Variants in OR4A5 observed in about 807,000 individuals in gnomAD.
OR4A5 encodes olfactory receptor family 4 subfamily A member 5, also known as olfactory receptor 4A5.
For synonymous variants in OR4A5, 245 were observed against 138.5 expected, an observed-to-expected ratio of 1.77 and a Z score of -5.40; for missense variants, 684 against 381.6, an observed-to-expected ratio of 1.79 and a Z score of -6.60.
In OR4A5 at chr11:54,707,764, G is replaced by T. The variant is rs772913200; in HGVS notation, c.880G>T (p.Ala294Ser). ...YTLRNSEMRN[A>S]IEKLLGKKLT... is the part of the protein sequence containing the mutation. ...GTTGAGAAATTCAGAGATGAGAAAT[G>T]CTATAGAAAAACTCTTGGGTAAAAA... The change falls in exon 1 of 1, where the codon GCT (alanine) becomes TCT (serine). Residue 294 changes from alanine to serine, a missense_variant. Physicochemically the swap from Ala to Ser is moderately conservative, Grantham distance 99. Coordinates refer to ENST00000319760, the MANE Select transcript of OR4A5 (RefSeq NM_001005272.3). 1.9e-6 allele frequency: 3 copies of T among 1,586,940 alleles called. No homozygotes were observed. The highest frequency in any genetic ancestry group is 1.1e-5 in the South Asian group (1 of 88,338).
chr11:54,707,487 A>G lies in OR4A5; in HGVS notation c.603A>G (p.Gly201=), dbSNP rs1214517067. 1.9e-6 allele frequency: 3 copies of G among 1,613,320 alleles called. No individual in the cohort carries two copies. The Admixed American group carries it at 5.0e-5, about 27-fold the overall frequency. ...FIGLTVVVNS[G]AICMVIFNLL... Reference sequence around the variant, plus strand: ...GCCTCACTGTTGTTGTCAATAGTGGAGCAATCTGTATGGTCATTTTCAACC... The same window carrying G: ...GCCTCACTGTTGTTGTCAATAGTGGGGCAATCTGTATGGTCATTTTCAACC... Residue 201 remains glycine, a synonymous_variant, in exon 1 of 1, where the codon GGA becomes GGG. Coordinates refer to ENST00000319760, the MANE Select transcript of OR4A5 (RefSeq NM_001005272.3).
Position 54,707,721 on chromosome 11 carries a change from G to T in OR4A5, c.837G>T (p.Leu279=). 1.2e-6 allele frequency: 2 copies of T among 1,601,910 alleles called. No individual in the cohort carries two copies. The highest frequency in any genetic ancestry group is 1.7e-6 in the Non-Finnish European group (2 of 1,169,954). Residue 279 remains leucine (L), a synonymous_variant, in exon 1 of 1, where the codon CTG becomes CTT. Transcript: ENST00000319760. ...TTTATACCATTATCACACACATGCT[G>T]AGTCCTTTAATATATACGTTGAGAA... The part of the protein sequence containing the change: ...TVFYTIITHM[L]SPLIYTLRNS...
chr11:54,707,073 C>T lies in OR4A5; in HGVS notation c.189C>T (p.Cys63=), dbSNP rs1216963817. 6.2e-7 allele frequency: 1 copy of T among 1,613,682 alleles called. No homozygotes were observed. The highest frequency in any genetic ancestry group is 1.3e-5 in the African/African-American group (1 of 75,014). ...CCCCAATGTATTTCTTCCTTGCCTG[C>T]CTGTCATTTATAGATGCTGCATATT... The part of the protein sequence containing the change: ...LGSPMYFFLA[C]LSFIDAAYST... The change falls in exon 1 of 1, where the codon TGC becomes TGT. Residue 63 remains cysteine (C), a synonymous_variant. Transcript: ENST00000319760.
Position 54,707,029 on chromosome 11 carries a change from G to T in OR4A5, c.145G>T (p.Ala49Ser), listed in dbSNP as rs1163757653. ...GNLLIVVDIIASPSLGSPMYF... is the reference protein window; with the variant it reads ...GNLLIVVDIISSPSLGSPMYF... ...CCTGCTCATTGTGGTGGATATTATTGCCAGCCCTTCCTTGGGTTCCCCAAT... is the reference window on the plus strand; with the variant it reads ...CCTGCTCATTGTGGTGGATATTATTTCCAGCCCTTCCTTGGGTTCCCCAAT... Residue 49 changes from alanine (A) to serine (S), a missense_variant, in exon 1 of 1, where the codon GCC (alanine) becomes TCC (serine). Coordinates refer to ENST00000319760, the MANE Select transcript of OR4A5 (RefSeq NM_001005272.3). The T allele has an allele frequency of 6.2e-7, 1 of 1,613,588 alleles. No homozygotes were observed. Among genetic ancestry groups the T allele is most frequent in the South Asian group, 1.1e-5 (1 of 91,070 alleles).
Position 54,707,363 on chromosome 11 carries a change from T to G in OR4A5, c.479T>G (p.Val160Gly), listed in dbSNP as rs1197449921. The G allele has an allele frequency of 6.2e-7, 1 of 1,613,734 alleles. No homozygotes were observed. The highest frequency in any genetic ancestry group is 1.7e-5 in the Admixed American group (1 of 59,872). ...GFVHSAFQIV[V>G]YSLPFCGPNV... ...GTACATTCTGCGTTTCAAATTGTTGTGTACAGTCTCCCTTTCTGTGGTCCC... is the reference window on the plus strand; with the variant it reads ...GTACATTCTGCGTTTCAAATTGTTGGGTACAGTCTCCCTTTCTGTGGTCCC... Residue 160 changes from valine to glycine, a missense_variant, in exon 1 of 1, where the codon GTG becomes GGG. Val to Gly is a moderately radical substitution (Grantham distance 109). Transcript: ENST00000319760.
chr11:54,707,792 T>G lies in OR4A5; in HGVS notation c.908T>G (p.Leu303Ter). The G allele has an allele frequency of 6.4e-7, 1 of 1,554,312 alleles. No individual in the cohort carries two copies. Among genetic ancestry groups the G allele is most frequent in the Non-Finnish European group, 8.8e-7 (1 of 1,136,506 alleles). The change falls in exon 1 of 1, where the codon TTA (leucine) becomes TGA (stop). Residue 303 changes from leucine (L) to a stop codon, truncating the protein, a stop_gained. Transcript: ENST00000319760. LOFTEE classifies it low-confidence loss of function (END_TRUNC). ...NAIEKLLGKK[L>*]TIFIIGGVSV... ...ATAGAAAAACTCTTGGGTAAAAAGT[T>G]AACTATATTTATTATAGGAGGAGTG...
rs753245822 is a variant in OR4A5 at position 54,707,171 on chromosome 11, T to C, written c.287T>C (p.Met96Thr). 109 of 1,613,672 alleles carry C rather than the reference T, an allele frequency of 6.8e-5. No individual in the cohort carries two copies. The highest frequency in any genetic ancestry group is 8.7e-5 in the Non-Finnish European group (103 of 1,179,890). The change falls in exon 1 of 1, where the codon ATG (methionine) becomes ACG (threonine). Residue 96 changes from methionine to threonine, a missense_variant. Met to Thr is a moderately conservative substitution (Grantham distance 81, BLOSUM62 -1). Transcript: ENST00000319760. ...DKKTISFQGC[M>T]GQLFIDHFFG... ...AAGACTATTTCCTTCCAAGGTTGCATGGGCCAGCTATTTATAGACCATTTC... is the reference window on the plus strand; with the variant it reads ...AAGACTATTTCCTTCCAAGGTTGCACGGGCCAGCTATTTATAGACCATTTC...
chr11:54,706,863 T>A lies in OR4A5; in HGVS notation c.-22T>A. On this transcript the variant is annotated 5_prime_UTR_variant, in exon 1 of 1. Coordinates refer to ENST00000319760, the MANE Select transcript of OR4A5 (RefSeq NM_001005272.3). ...TGTTTCCCTGAGCTCTCACCTCTGATACAAGCCTTAAAGAAGAGTAAATGA... is the reference window on the plus strand; with the variant it reads ...TGTTTCCCTGAGCTCTCACCTCTGAAACAAGCCTTAAAGAAGAGTAAATGA... 1 of 1,513,114 alleles carries A rather than the reference T, an allele frequency of 6.6e-7. No homozygotes were observed. Among genetic ancestry groups the A allele is most frequent in the East Asian group, 2.3e-5 (1 of 43,664 alleles). The allele number at this position is 1,513,114 out of a possible 1,614,324, so 93.7% of individuals were successfully genotyped here.
rs138401122 is a variant in OR4A5 at position 54,707,649 on chromosome 11, T to C, written c.765T>C (p.Tyr255=). Residue 255 remains tyrosine (Y), a synonymous_variant, in exon 1 of 1, where the codon TAT becomes TAC. Transcript: ENST00000319760. ...TTTTTGTACCCTGTATTTTCATATA[T>C]GTTAGACCTGTTTCAAACTTTCCTA... The part of the protein sequence containing the change: ...VLFFVPCIFI[Y]VRPVSNFPTD... 9.7e-4 allele frequency: 1,567 copies of C among 1,612,210 alleles called. 12 individuals are homozygous for C. In the African/African-American group the frequency reaches 0.018, roughly 18 times the overall value.
Position 54,706,975 on chromosome 11 carries a change from C to G in OR4A5, c.91C>G (p.Leu31Val). Residue 31 changes from leucine to valine, a missense_variant, in exon 1 of 1, where the codon CTC becomes GTC. Coordinates refer to ENST00000319760, the MANE Select transcript of OR4A5 (RefSeq NM_001005272.3). ...VQKALFVMFL[L>V]TYLVTVVGNL... ...AAAAGCATTATTTGTCATGTTTTTA[C>G]TCACATACTTGGTGACAGTGGTGGG... 1 of 1,613,294 alleles carries G rather than the reference C, an allele frequency of 6.2e-7. No homozygotes were observed. The highest frequency in any genetic ancestry group is 8.5e-7 in the Non-Finnish European group (1 of 1,179,694).
chr11:54,707,415 C>T lies in OR4A5; in HGVS notation c.531C>T (p.Asp177=). 6.2e-7 allele frequency: 1 copy of T among 1,613,540 alleles called. No homozygotes were observed. Among genetic ancestry groups the T allele is most frequent in the South Asian group, 1.1e-5 (1 of 91,078 alleles). ...ATGTCATTGTTCATTTCAGTTGTGA[C>T]ATGCACCCATTACTGGAACTGGCAT... ...GPNVIVHFSC[D]MHPLLELACT... Residue 177 remains aspartate (D), a synonymous_variant, in exon 1 of 1, where the codon GAC becomes GAT. Coordinates refer to ENST00000319760, the MANE Select transcript of OR4A5 (RefSeq NM_001005272.3).
Position 54,707,702 on chromosome 11 carries a change from C to G in OR4A5, c.818C>G (p.Thr273Ser). Reference sequence around the variant, plus strand: ...GATAAGTTCATGACTGTGTTTTATACCATTATCACACACATGCTGAGTCCT... The same window carrying G: ...GATAAGTTCATGACTGTGTTTTATAGCATTATCACACACATGCTGAGTCCT... ...PTDKFMTVFY[T>S]IITHMLSPLI... Residue 273 changes from threonine to serine, a missense_variant, in exon 1 of 1, where the codon ACC (threonine) becomes AGC (serine). By Grantham distance (58) the Thr-to-Ser change is moderately conservative. Transcript: ENST00000319760. The G allele has an allele frequency of 6.9e-6, 11 of 1,602,726 alleles. No homozygotes were observed. Among genetic ancestry groups the G allele is most frequent in the Non-Finnish European group, 9.4e-6 (11 of 1,170,302 alleles).
rs757446757 is a variant in OR4A5, at chr11:54,707,300, G to T, written c.416G>T (p.Cys139Phe). Reference sequence around the variant, plus strand: ...TTGACCATCATGAATCGACAGGTTTGCTTCCTTCTGTTGGTGGTGGCCATG... The same window carrying T: ...TTGACCATCATGAATCGACAGGTTTTCTTCCTTCTGTTGGTGGTGGCCATG... The part of the protein sequence containing the change: ...HYLTIMNRQV[C>F]FLLLVVAMIG... Residue 139 changes from cysteine to phenylalanine, a missense_variant, in exon 1 of 1, where the codon TGC (cysteine) becomes TTC (phenylalanine). Transcript: ENST00000319760. The T allele has an allele frequency of 7.4e-6, 12 of 1,613,716 alleles. No individual in the cohort carries two copies. In the East Asian group the frequency reaches 2.7e-4, roughly 36 times the overall value.
In OR4A5 at chr11:54,707,508, C is replaced by T. The variant is rs746369456; in HGVS notation, c.624C>T (p.Phe208=). The change falls in exon 1 of 1, where the codon TTC becomes TTT. Residue 208 remains phenylalanine, a synonymous_variant. Transcript: ENST00000319760. The part of the protein sequence containing the change: ...VNSGAICMVI[F]NLLLISYGVI... Reference sequence around the variant, plus strand: ...GTGGAGCAATCTGTATGGTCATTTTCAACCTTCTGTTAATCTCCTATGGAG... The same window carrying T: ...GTGGAGCAATCTGTATGGTCATTTTTAACCTTCTGTTAATCTCCTATGGAG... 4.3e-6 allele frequency: 7 copies of T among 1,613,542 alleles called. No individual in the cohort carries two copies. In the South Asian group the frequency reaches 5.5e-5, roughly 13 times the overall value.
rs1854056880 is a variant in OR4A5, at chr11:54,707,450, C to A, written c.566C>A (p.Thr189Asn). ...TTACTGGAACTGGCATGCACTGACACCTACTTTATAGGCCTCACTGTTGTT... is the reference window on the plus strand; with the variant it reads ...TTACTGGAACTGGCATGCACTGACAACTACTTTATAGGCCTCACTGTTGTT... ...HPLLELACTD[T>N]YFIGLTVVVN... is the part of the protein sequence containing the mutation. The change falls in exon 1 of 1, where the codon ACC (threonine) becomes AAC (asparagine). Residue 189 changes from threonine (T) to asparagine (N), a missense_variant. Thr to Asn is a moderately conservative substitution (Grantham distance 65, BLOSUM62 0). Coordinates refer to ENST00000319760, the MANE Select transcript of OR4A5 (RefSeq NM_001005272.3). 6.2e-7 allele frequency: 1 copy of A among 1,613,488 alleles called. No homozygotes were observed. Among genetic ancestry groups the A allele is most frequent in the Non-Finnish European group, 8.5e-7 (1 of 1,179,830 alleles).
rs757336210 is a variant in OR4A5 at position 54,707,262 on chromosome 11, G to A, written c.378G>A (p.Lys126=). The change falls in exon 1 of 1, where the codon AAG becomes AAA. Residue 126 remains lysine (K), a synonymous_variant. Coordinates refer to ENST00000319760, the MANE Select transcript of OR4A5 (RefSeq NM_001005272.3). ...GTGATCGCTATGTGGCCATCTGTAA[G>A]CCACTGCACTATTTGACCATCATGA... The part of the protein sequence containing the change: ...MACDRYVAIC[K]PLHYLTIMNR... The A allele has an allele frequency of 2.5e-6, 4 of 1,613,590 alleles. No homozygotes were observed. Among genetic ancestry groups the A allele is most frequent in the Non-Finnish European group, 2.5e-6 (3 of 1,179,906 alleles).
rs763947042 is a variant in OR4A5 at position 54,707,068 on chromosome 11, G to T, written c.184G>T (p.Ala62Ser). 1.9e-6 allele frequency: 3 copies of T among 1,613,560 alleles called. No homozygotes were observed. The highest frequency in any genetic ancestry group is 2.5e-6 in the Non-Finnish European group (3 of 1,179,810). ...SLGSPMYFFL[A>S]CLSFIDAAYS... ...GGGTTCCCCAATGTATTTCTTCCTT[G>T]CCTGCCTGTCATTTATAGATGCTGC... The change falls in exon 1 of 1, where the codon GCC becomes TCC. Residue 62 changes from alanine (A) to serine (S), a missense_variant. Ala to Ser is a moderately conservative substitution (Grantham distance 99). Coordinates refer to ENST00000319760, the MANE Select transcript of OR4A5 (RefSeq NM_001005272.3).
rs754513811 is a variant in OR4A5, at chr11:54,707,480, A to G, written c.596A>G (p.Asn199Ser). ...TTTATAGGCCTCACTGTTGTTGTCA[A>G]TAGTGGAGCAATCTGTATGGTCATT... Reference protein sequence around the residue: ...TYFIGLTVVVNSGAICMVIFN... With the variant: ...TYFIGLTVVVSSGAICMVIFN... Residue 199 changes from asparagine to serine, a missense_variant, in exon 1 of 1, where the codon AAT becomes AGT. By Grantham distance (46) the Asn-to-Ser change is conservative. Coordinates refer to ENST00000319760, the MANE Select transcript of OR4A5 (RefSeq NM_001005272.3). The G allele has an allele frequency of 2.3e-5, 37 of 1,613,452 alleles. No individual in the cohort carries two copies. The Admixed American group carries it at 6.0e-4, about 26-fold the overall frequency.
At position 54,707,069 on chromosome 11, in the gene OR4A5, C is replaced by T. The variant is rs113579447; in HGVS notation, c.185C>T (p.Ala62Val). 1,336 of 1,613,670 alleles carry T rather than the reference C, an allele frequency of 8.3e-4. 13 individuals are homozygous for T. The African/African-American group carries it at 0.016, about 19-fold the overall frequency. The change falls in exon 1 of 1, where the codon GCC becomes GTC. Residue 62 changes from alanine to valine, a missense_variant. Ala to Val is a moderately conservative substitution (Grantham distance 64). Coordinates refer to ENST00000319760, the MANE Select transcript of OR4A5 (RefSeq NM_001005272.3). ...GGTTCCCCAATGTATTTCTTCCTTG[C>T]CTGCCTGTCATTTATAGATGCTGCA... ...SLGSPMYFFL[A>V]CLSFIDAAYS...
Sources: allele counts gnomAD v4.1 joint callset, GRCh38; gene constraint gnomAD v4.1.1; transcripts MANE v1.5; gene names NCBI Gene and HGNC (gene_info 2026-07-23, HGNC 2026-07-21).